The following SLC25A27 variants were observed in gnomAD, a reference collection of about 807,000 sequenced individuals.
The protein encoded by SLC25A27 is mitochondrial uncoupling protein 4.
In SLC25A27, 35 loss-of-function variants were observed where a neutral mutation model predicts 49.1. The observed-to-expected ratio is 0.71, with a 90% confidence interval of 0.54 to 0.95. The LOEUF is 0.95. Among genes scored for constraint, SLC25A27 ranks in the 40% least tolerant of loss-of-function variants. SLC25A27 has a pLI of 0.00. For synonymous variants in SLC25A27, 144 were observed against 136.9 expected (o/e 1.05, Z -0.36); for missense variants, 339 against 397.1 (o/e 0.85, Z 1.24).
At chr6:46,660,216 C>T (rs1197387945) in intron 3 of SLC25A27, among the ~76,000 whole-genome samples, 2 of 83,664 alleles carry the variant, frequency 2.4e-5, no homozygotes, top group Non-Finnish European at 4.6e-5. Flanking sequence ...CCAAACTGTT[C>T]TTCACCTCTG....
intron 2 of SLC25A27, among the ~76,000 whole-genome samples, chr6:46,656,577 C>T (rs1055727967): frequency 6.6e-6 from 1 of 152,030 alleles, no homozygotes; most frequent in African/African-American, 2.4e-5. Context: ...AACTCTTGAC[C>T]TTGTGAAATT....
intron 1 of SLC25A27, chr6:46,653,861 C>T (rs1275489923): frequency 4.1e-6 from 4 of 984,752 alleles, no homozygotes; most frequent in Non-Finnish European, 4.8e-6. Flanking sequence ...AGGCAGGACA[C>T]CCATTAGTTG....
chr6:46,668,817 C>G, intron 6 of SLC25A27, 24 bp downstream of exon 6: 1 of 1,305,990 alleles, frequency 7.7e-7, no homozygotes, highest in East Asian at 2.3e-5. Flanking sequence ...TAGTTGGACT[C>G]TGTTTTTTTT....
At chr6:46,663,057 C>T (rs767665251) in intron 4 of SLC25A27, among the ~76,000 whole-genome samples, 4 of 152,130 alleles carry the variant, frequency 2.6e-5, no homozygotes, top group Non-Finnish European at 5.9e-5. Flanking sequence ...CTCTTTTTCC[C>T]TAATATGGCT....
intron 3 of SLC25A27, among the ~76,000 whole-genome samples, chr6:46,659,669 C>A (rs920144341): frequency 2.6e-5 from 4 of 152,008 alleles, no homozygotes; most frequent in African/African-American, 9.7e-5. Flanking sequence ...GCCTGGCCAA[C>A]ATGGCAAAAC....
In SLC25A27 at chr6:46,671,154, T is replaced by C. The variant is rs983413284; in HGVS notation, c.826T>C (p.Cys276Arg). The change falls in exon 8 of 9, where the codon TGC (cysteine) becomes CGC (arginine). Residue 276 changes from cysteine (C) to arginine (R), a missense_variant. Transcript: ENST00000371347. ...RGLLYKSSTDCLIQAVQGEGF... is the reference protein window; with the variant it reads ...RGLLYKSSTDRLIQAVQGEGF... ...ACTTTTGTATAAATCATCGACTGAC[T>C]GCTTGATTCAGGCTGTTCAAGGTGA... 1.1e-5 allele frequency: 17 copies of C among 1,601,246 alleles called. No individual in the cohort carries two copies. The highest frequency in any genetic ancestry group is 1.4e-5 in the Non-Finnish European group (17 of 1,174,994).
chr6:46,676,281 T>C, intron 8 of SLC25A27, 102 bp from the exon 9 acceptor site: 1 of 1,047,648 alleles, frequency 9.5e-7, no homozygotes. Context: ...TCAGCCTAAG[T>C]GGTTGCAAAA....
At chr6:46,653,354 G>T in intron 1 of SLC25A27, 56 bp downstream of exon 1, 1 of 1,547,784 alleles carries the variant, frequency 6.5e-7, no homozygotes, top group East Asian at 2.4e-5. Context: ...CCGCGCTGGG[G>T]GAGGGTGCGC....
chr6:46,665,611 G>A (rs987429464), intron 5 of SLC25A27, among the ~76,000 whole-genome samples: 56 of 152,170 alleles, frequency 3.7e-4, no homozygotes, highest in Admixed American at 3.3e-4. Context: ...GCGTGAACCC[G>A]GGAGGCGAAG....
At chr6:46,658,776 A>G in intron 2 of SLC25A27, 186 bp from the exon 3 acceptor site, 1 of 600,324 alleles carries the variant, frequency 1.7e-6, no homozygotes, top group East Asian at 2.9e-5. Context: ...GCAGAGTCTG[A>G]AAAGAGCATG....
intron 6 of SLC25A27, 97 bp from the exon 7 acceptor site, chr6:46,670,038 A>G (rs1763466265): frequency 9.5e-6 from 6 of 632,584 alleles, no homozygotes; most frequent in Non-Finnish European, 2.6e-6. Context: ...TTGTAAGAAT[A>G]TATTTAGTAT....
chr6:46,666,050 C>G (rs916381523), intron 5 of SLC25A27, among the ~76,000 whole-genome samples: 2 of 152,062 alleles, frequency 1.3e-5, no homozygotes, highest in Non-Finnish European at 2.9e-5. Flanking sequence ...TGAAAGATTC[C>G]ACTGCCTGCA....
At chr6:46,661,022 A>C (rs901341588) in intron 3 of SLC25A27, among the ~76,000 whole-genome samples, 17 of 152,198 alleles carry the variant, frequency 1.1e-4, no homozygotes, top group African/African-American at 4.1e-4. Flanking sequence ...ATGGTATGCC[A>C]GTCTTATACT....
At chr6:46,671,464 T>C (rs1763538924) in intron 8 of SLC25A27, among the ~76,000 whole-genome samples, 2 of 152,134 alleles carry the variant, frequency 1.3e-5, no homozygotes, top group African/African-American at 4.8e-5. Flanking sequence ...AAGTTGATAG[T>C]CTTGTTATAA....
At chr6:46,670,922 G>T (rs978960152) in intron 7 of SLC25A27, among the ~76,000 whole-genome samples, 7 of 152,026 alleles carry the variant, frequency 4.6e-5, no homozygotes. Context: ...AGTAGAGATG[G>T]GGTTTCACCG....
chr6:46,658,878 C>T (rs748913604), intron 2 of SLC25A27, 84 bp from the exon 3 acceptor site: 35 of 955,772 alleles, frequency 3.7e-5, no homozygotes, highest in Middle Eastern at 2.1e-4. Context: ...TAGGCCATGT[C>T]GGAATGTCCT....
intron 2 of SLC25A27, 39 bp from the exon 3 acceptor site, chr6:46,658,923 A>T: frequency 3.6e-6 from 5 of 1,380,606 alleles, no homozygotes; most frequent in Non-Finnish European, 5.2e-6. Flanking sequence ...ATAGATACAT[A>T]TAGCCAAAGT....
intron 8 of SLC25A27, among the ~76,000 whole-genome samples, chr6:46,672,759 T>C (rs1763604240): frequency 6.6e-6 from 1 of 152,128 alleles, no homozygotes. Context: ...AGCAGAGATG[T>C]CTAGATGACA....
chr6:46,653,006 C>T lies in SLC25A27; in HGVS notation c.-187C>T, dbSNP rs189159541. ...TTCTATTCTGGGGTGTAAGGGGCAG[C>T]TGGACCACTCCAGCTGGGACTGCTA... On this transcript the variant is annotated 5_prime_UTR_variant, in exon 1 of 9. Transcript: ENST00000371347. 438 of 611,884 alleles carry T rather than the reference C, an allele frequency of 7.2e-4. 1 individual carries two copies. The African/African-American group carries it at 7.3e-3, about 10-fold the overall frequency. The allele number at this position is 611,884 out of a possible 1,614,324, so 37.9% of individuals were successfully genotyped here. A position where few individuals can be genotyped will look rare whatever the true frequency, so the allele number is the denominator to read the frequency against.
Sources: allele counts gnomAD v4.1 joint callset (sites outside exome capture counted in the v4.1 genomes callset), GRCh38; gene constraint gnomAD v4.1.1; transcripts MANE v1.5; gene names NCBI Gene and HGNC (gene_info 2026-07-23, HGNC 2026-07-21).